The following GOLM1 variants were observed in gnomAD, a reference collection of about 807,000 sequenced individuals.
GOLM1 encodes epididymis luminal protein 46.
A neutral mutation model predicts 50.5 loss-of-function variants in GOLM1; 31 were observed. That is an observed-to-expected ratio of 0.61 (90% CI 0.46 to 0.83). The LOEUF (loss-of-function observed/expected upper bound fraction) is 0.83. Among genes scored for constraint, GOLM1 ranks in the 40% least tolerant of loss-of-function variants. The pLI, the probability that GOLM1 is intolerant of heterozygous loss-of-function variation, is 0.00. For missense variants in GOLM1, 491 were observed against 501.3 expected (o/e 0.98, Z 0.20); for synonymous variants, 178 against 192.8 (o/e 0.92, Z 0.64).
chr9:86,053,906 C>CGT (rs1833907813), intron 3 of GOLM1, among the ~76,000 whole-genome samples: 2 of 151,646 alleles, frequency 1.3e-5, no homozygotes, highest in African/African-American at 2.4e-5. Context: ...CACTCCACAC[C>CGT]AGCCCAGGTC....
chr9:86,070,311 T>C lies in GOLM1; in HGVS notation c.309+7101A>G, dbSNP rs188700127. Reference sequence around the variant, plus strand: ...TATTTTCACCCAGCACAGTGGGTCATGCCTCTAATCCCAGTACTTTGGGAG... The same window carrying C: ...TATTTTCACCCAGCACAGTGGGTCACGCCTCTAATCCCAGTACTTTGGGAG... On this transcript the variant is annotated intron_variant, in intron 3 of 9. Transcript: ENST00000388712. Among the ~76,000 whole-genome samples, 16 of 152,252 alleles carry C rather than the reference T, an allele frequency of 1.1e-4. No individual in the cohort carries two copies. In the South Asian group the frequency reaches 2.1e-3, roughly 20 times the overall value.
chr9:86,079,237 C>T lies in GOLM1; in HGVS notation c.84G>A (p.Leu28=). Residue 28 remains leucine, a synonymous_variant, in exon 2 of 10, where the codon TTG becomes TTA. Transcript: ENST00000388712. ...LAALVACIIV[L]GFNYWIASSR... ...AGCTCGCAATCCAGTAGTTGAAGCC[C>T]AAGACGATGATGCAGGCCACCAGGG... 6.2e-7 allele frequency: 1 copy of T among 1,609,724 alleles called. No homozygotes were observed. Among genetic ancestry groups the T allele is most frequent in the African/African-American group, 1.3e-5 (1 of 74,872 alleles).
intron 3 of GOLM1, among the ~76,000 whole-genome samples, chr9:86,072,855 C>A (rs557787943): frequency 6.6e-6 from 1 of 152,312 alleles, no homozygotes; most frequent in East Asian, 1.9e-4. Context: ...GGCTACAAAC[C>A]TGTACAGCAT....
chr9:86,067,888 C>T (rs993631796), intron 3 of GOLM1, among the ~76,000 whole-genome samples: 3 of 152,210 alleles, frequency 2.0e-5, no homozygotes, highest in South Asian at 2.1e-4. Context: ...TGCCTGTAGT[C>T]CCAACTACTT....
intron 9 of GOLM1, among the ~76,000 whole-genome samples, chr9:86,031,276 C>A (rs541863036): frequency 6.6e-6 from 1 of 151,838 alleles, no homozygotes; most frequent in South Asian, 2.1e-4. Context: ...GTAGTTGTTA[C>A]AACGACTCCT....
chr9:86,044,623 G>A (rs1351916191), intron 5 of GOLM1, among the ~76,000 whole-genome samples: 1 of 152,168 alleles, frequency 6.6e-6, no homozygotes, highest in Non-Finnish European at 1.5e-5. Context: ...TAAATATAAT[G>A]CAAGTAATGT....
chr9:86,068,285 C>T (rs750821268), intron 3 of GOLM1, among the ~76,000 whole-genome samples: 26 of 152,166 alleles, frequency 1.7e-4, no homozygotes, highest in Non-Finnish European at 3.1e-4. Context: ...CCTGCTGGCA[C>T]CTGAATTTCA....
chr9:86,030,537 T>C (rs1832943557), intron 9 of GOLM1, among the ~76,000 whole-genome samples: 1 of 151,926 alleles, frequency 6.6e-6, no homozygotes, highest in African/African-American at 2.4e-5. Flanking sequence ...ATTGAGGGAC[T>C]TTCAACCAAA....
At chr9:86,031,531 G>A (rs62568896) in intron 9 of GOLM1, among the ~76,000 whole-genome samples, 57,366 of 139,742 alleles carry the variant, frequency 0.41, 14,039 homozygotes, top group Middle Eastern at 0.57. Flanking sequence ...TCACAATCTC[G>A]GCTCACTGCA....
intron 1 of GOLM1, among the ~76,000 whole-genome samples, chr9:86,092,550 CCAGTGCTTGG>C (rs1253905793): frequency 1.3e-5 from 2 of 152,198 alleles, no homozygotes; most frequent in Non-Finnish European, 2.9e-5. Context: ...TCACTGTCAC[CCAGTGCTTGG>C]CTGGCCAGGA....
intron 1 of GOLM1, among the ~76,000 whole-genome samples, chr9:86,081,611 C>T (rs1379891139): frequency 6.6e-6 from 1 of 151,454 alleles, no homozygotes; most frequent in Non-Finnish European, 1.5e-5. Flanking sequence ...ATAAATTGGT[C>T]GGGTGCAGTG....
At chr9:86,036,813 G>C (rs1833161162) in intron 6 of GOLM1, 2 of 361,188 alleles carry the variant, frequency 5.5e-6, no homozygotes, top group East Asian at 1.2e-4. Context: ...CAACAAAAAA[G>C]ACATGAACGA....
At position 86,026,578 on chromosome 9, in the gene GOLM1, A is replaced by C; in HGVS notation, c.*1239T>G. On this transcript the variant is annotated 3_prime_UTR_variant, in exon 10 of 10. Coordinates refer to ENST00000388712, the MANE Select transcript of GOLM1 (RefSeq NM_016548.4). ...ATCAAACGATCTCTGGGGCCTTAGCATCTCAAATCCTGTGGATCCTCCTAC... is the reference window on the plus strand; with the variant it reads ...ATCAAACGATCTCTGGGGCCTTAGCCTCTCAAATCCTGTGGATCCTCCTAC... The C allele has an allele frequency of 1.1e-6, 1 of 945,552 alleles. No individual in the cohort carries two copies. The highest frequency in any genetic ancestry group is 1.3e-6 in the Non-Finnish European group (1 of 793,616). The allele number at this position is 945,552 out of a possible 1,614,324, so 58.6% of individuals were successfully genotyped here.
intron 4 of GOLM1, among the ~76,000 whole-genome samples, chr9:86,047,140 A>C (rs1214589785): frequency 6.9e-6 from 1 of 144,024 alleles, no homozygotes; most frequent in African/African-American, 2.7e-5. Context: ...CTCATCAGGG[A>C]AAGAGCGGCT....
intron 3 of GOLM1, among the ~76,000 whole-genome samples, chr9:86,060,401 T>C (rs1408369243): frequency 6.6e-6 from 1 of 151,912 alleles, no homozygotes; most frequent in African/African-American, 2.4e-5. Context: ...ACACACTCAT[T>C]CACACACACA....
chr9:86,077,216 A>G (rs1251804030), intron 3 of GOLM1, among the ~76,000 whole-genome samples, 196 bp downstream of exon 3: 2 of 152,206 alleles, frequency 1.3e-5, no homozygotes, highest in Non-Finnish European at 2.9e-5. Context: ...TACCACTGCA[A>G]AAGGCTTCAC....
At chr9:86,042,447 T>C (rs1049326798) in intron 5 of GOLM1, among the ~76,000 whole-genome samples, 6 of 152,108 alleles carry the variant, frequency 3.9e-5, no homozygotes, top group African/African-American at 1.2e-4. Flanking sequence ...CCTCTGACTC[T>C]TGGAATATAC....
intron 1 of GOLM1, among the ~76,000 whole-genome samples, chr9:86,080,555 C>T (rs1469355858): frequency 6.6e-6 from 1 of 152,158 alleles, no homozygotes; most frequent in Non-Finnish European, 1.5e-5. Flanking sequence ...CAATTCTCAC[C>T]AGTGAGAACA....
rs763574262 is a variant in GOLM1, at chr9:86,052,610, C to T, written c.310-19G>A. ...AAACCGCCTGCAACGAAGATAAACTCGCATGAAACACCCAAACCAACACCT... is the reference window on the plus strand; with the variant it reads ...AAACCGCCTGCAACGAAGATAAACTTGCATGAAACACCCAAACCAACACCT... On this transcript the variant is annotated intron_variant, in intron 3 of 9. Transcript: ENST00000388712. 10 of 1,610,650 alleles carry T rather than the reference C, an allele frequency of 6.2e-6. No individual in the cohort carries two copies. In the Admixed American group the frequency reaches 6.7e-5, roughly 11 times the overall value.
Sources: allele counts gnomAD v4.1 joint callset (sites outside exome capture counted in the v4.1 genomes callset), GRCh38; gene constraint gnomAD v4.1.1; transcripts MANE v1.5; gene names NCBI Gene and HGNC (gene_info 2026-07-23, HGNC 2026-07-21).